Variants in GAS7 observed in about 807,000 individuals in gnomAD.
GAS7 encodes growth arrest specific 7, also known as growth arrest-specific protein 7.
In GAS7, 28 loss-of-function variants were observed where a neutral mutation model predicts 71.1. The observed-to-expected ratio is 0.39, with a 90% CI of 0.29 to 0.54. The LOEUF (loss-of-function observed/expected upper bound fraction) is 0.54, where lower values mean the gene tolerates loss of function less well. Ranked by LOEUF, GAS7 falls within the 20% of genes least tolerant of loss-of-function variation. GAS7 has a pLI of 0.62. For synonymous variants in GAS7, 258 were observed against 245.8 expected, an observed-to-expected ratio of 1.05 and a Z score of -0.46; for missense variants, 436 against 627.8, an observed-to-expected ratio of 0.69 and a Z score of 3.27.
Position 10,087,996 on chromosome 17 carries a change from T to A in GAS7, c.184-68099A>T, listed in dbSNP as rs537040464. The stretch of plus-strand genomic sequence containing the variant: ...TCAGTAAATAAAAGGGAAGAAGGGC[T>A]TGGGCTGCTTTAAAAAATATATGGA... On this transcript the variant is annotated intron_variant, in intron 1 of 13. Coordinates refer to ENST00000432992, the MANE Select transcript of GAS7 (RefSeq NM_201433.2). Among the ~76,000 whole-genome samples the A allele has an allele frequency of 8.5e-5, 13 of 152,110 alleles. No individual in the cohort carries two copies. The South Asian group carries it at 2.7e-3, about 32-fold the overall frequency.
In GAS7 at chr17:9,917,466, C is replaced by A. The variant is rs767726347; in HGVS notation, c.1318-125G>T. On this transcript the variant is annotated intron_variant, in intron 13 of 13. Coordinates refer to ENST00000432992, the MANE Select transcript of GAS7 (RefSeq NM_201433.2). Reference sequence around the variant, plus strand: ...CAGCCTCTCTAGAGGGCTCCGGGGCCCCAGGGGGAGGCCCATCTGAGGGAC... The same window carrying A: ...CAGCCTCTCTAGAGGGCTCCGGGGCACCAGGGGGAGGCCCATCTGAGGGAC... 734 of 690,110 alleles carry A rather than the reference C, an allele frequency of 1.1e-3. 3 individuals are homozygous for A. The highest frequency in any genetic ancestry group is 1.7e-3 in the Non-Finnish European group (680 of 392,258). The allele number at this position is 690,110 out of a possible 1,614,324, so 42.7% of individuals were successfully genotyped here.
chr17:9,939,767 G>A (rs2068532804), intron 8 of GAS7, among the ~76,000 whole-genome samples: 2 of 152,140 alleles, frequency 1.3e-5, no homozygotes, highest in South Asian at 4.1e-4. Context: ...TCATCACCAT[G>A]CCCGGCTAAT....
chr17:10,114,847 G>A (rs2073845534), intron 1 of GAS7, among the ~76,000 whole-genome samples: 1 of 152,154 alleles, frequency 6.6e-6, no homozygotes, highest in African/African-American at 2.4e-5. Context: ...CAGGCTTGGG[G>A]CAATCTCCTC....
At chr17:10,021,395 C>T (rs2072262509) in intron 1 of GAS7, among the ~76,000 whole-genome samples, 1 of 152,228 alleles carries the variant, frequency 6.6e-6, no homozygotes, top group Non-Finnish European at 1.5e-5. Flanking sequence ...CGTGGCTTCC[C>T]GTAGTGCCCT....
At position 9,940,189 on chromosome 17, in the gene GAS7, T is replaced by A; in HGVS notation, c.743A>T (p.Glu248Val). The change falls in exon 8 of 14, where the codon GAA becomes GTA. Residue 248 changes from glutamate to valine, a missense_variant. Physicochemically the swap from Glu to Val is moderately radical, Grantham distance 121. Transcript: ENST00000432992. The stretch of plus-strand genomic sequence containing the variant: ...AGCTAAGTTCTTCGCATAGTCTTCT[T>A]CAATCTTTATCCTGCAAAGAGAGAA... The part of the protein sequence containing the change: ...SEFIRERIKI[E>V]EDYAKNLAKL... 6.2e-7 allele frequency: 1 copy of A among 1,612,632 alleles called. No individual in the cohort carries two copies. The highest frequency in any genetic ancestry group is 8.5e-7 in the Non-Finnish European group (1 of 1,178,620).
At chr17:10,114,688 G>C (rs1042397423) in intron 1 of GAS7, 5 of 108,836 alleles carry the variant, frequency 4.6e-5, no homozygotes, top group Admixed American at 1.0e-4. Flanking sequence ...CTAAAGAGAA[G>C]AGAAAAACCA....
In GAS7 at chr17:10,009,318, C is replaced by CA. The variant is rs541133967; in HGVS notation, c.304+10458dup. Among the ~76,000 whole-genome samples the CA allele has an allele frequency of 6.3e-3, 496 of 78,466 alleles. 12 individuals carry two copies. Among genetic ancestry groups the CA allele is most frequent in the South Asian group, 0.029 (67 of 2,292 alleles). The allele number at this position is 78,466 out of a possible 152,430, so 51.5% of individuals were successfully genotyped here. On this transcript the variant is annotated intron_variant, in intron 2 of 13. Transcript: ENST00000432992. ...TCTGGGCGACAGAGCGAGACTCCGTCAAAAAAAAAAAAAAAAAAGTGTTCT... is the reference window on the plus strand; with the variant it reads ...TCTGGGCGACAGAGCGAGACTCCGTCAAAAAAAAAAAAAAAAAAAGTGTTCT...
chr17:10,105,549 G>C (rs916582), intron 1 of GAS7, among the ~76,000 whole-genome samples: 143,040 of 152,134 alleles, frequency 0.94, 67,259 homozygotes, highest in South Asian at 0.97. Context: ...GATCTTGCAT[G>C]ACACTTTTGC....
chr17:10,048,268 A>G (rs1027804715), intron 1 of GAS7, among the ~76,000 whole-genome samples: 1 of 152,118 alleles, frequency 6.6e-6, no homozygotes, highest in Non-Finnish European at 1.5e-5. Flanking sequence ...CGCCATTGCA[A>G]CCTCGCGCCA....
chr17:9,954,129 C>T (rs183709952), intron 5 of GAS7, among the ~76,000 whole-genome samples: 62 of 152,268 alleles, frequency 4.1e-4, no homozygotes, highest in African/African-American at 1.4e-3. Context: ...AGGGAAAGGA[C>T]TCAGGATGAG....
At chr17:9,943,040 G>T in intron 7 of GAS7, 81 bp downstream of exon 7, 1 of 842,736 alleles carries the variant, frequency 1.2e-6, no homozygotes, top group Non-Finnish European at 2.0e-6. Flanking sequence ...ACTGAGTCCT[G>T]TGCTGTCGCC....
intron 1 of GAS7, among the ~76,000 whole-genome samples, chr17:10,144,337 C>T (rs562474217): frequency 4.2e-4 from 64 of 152,214 alleles, no homozygotes; most frequent in Admixed American, 1.8e-3. Flanking sequence ...TAGGCAGTGT[C>T]GGGCCCGTGA....
chr17:9,982,824 G>GAAAGAGA (rs59205668), intron 2 of GAS7, among the ~76,000 whole-genome samples: 1 of 116,184 alleles, frequency 8.6e-6, no homozygotes, highest in Non-Finnish European at 1.7e-5. Context: ...AGGAAAGAAA[G>GAAAGAGA]GAAAGAAAGA....
chr17:9,977,384 A>G (rs781570220), intron 3 of GAS7, among the ~76,000 whole-genome samples: 3 of 152,162 alleles, frequency 2.0e-5, no homozygotes, highest in Non-Finnish European at 4.4e-5. Context: ...TGACTCATAC[A>G]TGAAACTCCC....
chr17:10,138,472 A>G (rs1420150268), intron 1 of GAS7, among the ~76,000 whole-genome samples: 2 of 152,114 alleles, frequency 1.3e-5, no homozygotes, highest in African/African-American at 4.8e-5. Context: ...AAATTAAAAA[A>G]CCAAACTAGA....
chr17:9,966,350 T>C (rs2069715636), intron 4 of GAS7, among the ~76,000 whole-genome samples: 1 of 152,118 alleles, frequency 6.6e-6, no homozygotes, highest in African/African-American at 2.4e-5. Flanking sequence ...GAGGGGCAGC[T>C]AAGCAGGGGG....
intron 5 of GAS7, among the ~76,000 whole-genome samples, chr17:9,958,173 G>T (rs968993187): frequency 6.6e-6 from 1 of 152,128 alleles, no homozygotes; most frequent in African/African-American, 2.4e-5. Flanking sequence ...CCAGGCTGTT[G>T]CACTGTCATT....
At chr17:10,025,964 A>C (rs1284195135) in intron 1 of GAS7, among the ~76,000 whole-genome samples, 1 of 152,182 alleles carries the variant, frequency 6.6e-6, no homozygotes, top group Non-Finnish European at 1.5e-5. Flanking sequence ...CATTGCCCCA[A>C]ACCCTTCAAA....
rs886821338 is a variant in GAS7 at position 9,914,374 on chromosome 17, GCAC to G, written c.*2851_*2853del. 1.7e-4 allele frequency: 31 copies of G among 182,054 alleles called. 1 individual carries two copies. The East Asian group carries it at 2.0e-3, about 12-fold the overall frequency. The allele number at this position is 182,054 out of a possible 1,614,324, so 11.3% of individuals were successfully genotyped here. Reference sequence around the variant, plus strand: ...GCCGAATAGTTGGGACTACAGGTGTGCACCACCACATCTGGCTAATTTTTTGTA... The same window carrying G: ...GCCGAATAGTTGGGACTACAGGTGTGCACCACATCTGGCTAATTTTTTGTA... On this transcript the variant is annotated 3_prime_UTR_variant, in exon 14 of 14. Coordinates refer to ENST00000432992, the MANE Select transcript of GAS7 (RefSeq NM_201433.2).
Sources: gnomAD v4.1 joint callset for allele counts (sites outside exome capture counted in the v4.1 genomes callset) on GRCh38, gnomAD v4.1.1 for gene constraint, MANE v1.5 for transcripts, NCBI Gene and HGNC (gene_info 2026-07-23, HGNC 2026-07-21) for gene names.